GPC5: variants seen among roughly 807,000 people sequenced by gnomAD.
The protein encoded by GPC5 is glypican 5.
In GPC5, 47 loss-of-function variants were observed where a neutral mutation model predicts 53.9. That is an observed-to-expected ratio of 0.87 (90% CI 0.69 to 1.11). The LOEUF (loss-of-function observed/expected upper bound fraction) is 1.11, where lower values mean the gene tolerates loss of function less well. Ranked by LOEUF, GPC5 falls within the 50% of genes most tolerant of loss-of-function variation. The pLI is 0.00. For synonymous variants in GPC5, 286 were observed against 263.3 expected (o/e 1.09, Z -0.84); for missense variants, 748 against 713.1 (o/e 1.05, Z -0.56).
chr13:92,840,086 T>TATATATATATATATATATATAC (rs1878378378), intron 7 of GPC5, among the ~76,000 whole-genome samples: 2 of 34,840 alleles, frequency 5.7e-5, no homozygotes, highest in African/African-American at 2.6e-4. Flanking sequence ...TACATATATA[T>TATATATATATATATATATATAC]ATATATATAT....
chr13:92,520,521 A>T (rs1207212881), intron 7 of GPC5, among the ~76,000 whole-genome samples: 1 of 152,146 alleles, frequency 6.6e-6, no homozygotes, highest in Non-Finnish European at 1.5e-5. Context: ...AGAACCAAAG[A>T]TTAAAAACCA....
intron 7 of GPC5, among the ~76,000 whole-genome samples, chr13:92,427,261 G>T (rs1181232446): frequency 1.3e-5 from 2 of 150,272 alleles, no homozygotes; most frequent in African/African-American, 4.9e-5. Context: ...GTTTTATGCT[G>T]TTTTTAAAAC....
intron 6 of GPC5, among the ~76,000 whole-genome samples, chr13:92,117,108 G>A (rs1003184047): frequency 6.6e-6 from 1 of 152,030 alleles, no homozygotes; most frequent in Admixed American, 6.6e-5. Flanking sequence ...TAATCCTAAG[G>A]TCACAAACTT....
chr13:92,630,823 T>C (rs191081652), intron 7 of GPC5, among the ~76,000 whole-genome samples: 8 of 152,292 alleles, frequency 5.3e-5, no homozygotes, highest in Non-Finnish European at 2.9e-5. Flanking sequence ...TGTCAGTCCT[T>C]ATATACTTAT....
At chr13:91,481,806 T>G (rs1883312299) in intron 2 of GPC5, among the ~76,000 whole-genome samples, 1 of 152,208 alleles carries the variant, frequency 6.6e-6, no homozygotes, top group Non-Finnish European at 1.5e-5. Flanking sequence ...AGATGATACC[T>G]GTGGAAGGAT....
At chr13:92,860,073 T>C (rs1343111080) in intron 7 of GPC5, among the ~76,000 whole-genome samples, 1 of 152,126 alleles carries the variant, frequency 6.6e-6, no homozygotes, top group African/African-American at 2.4e-5. Flanking sequence ...TCAAAATAAA[T>C]TATACTATTT....
intron 7 of GPC5, among the ~76,000 whole-genome samples, chr13:92,852,064 G>A (rs577864584): frequency 6.6e-6 from 1 of 152,196 alleles, no homozygotes; most frequent in African/African-American, 2.4e-5. Flanking sequence ...GTACCAACAG[G>A]AGGACAACAG....
At chr13:92,153,233 A>C (rs1321311311) in intron 7 of GPC5, among the ~76,000 whole-genome samples, 2 of 152,044 alleles carry the variant, frequency 1.3e-5, no homozygotes, top group Non-Finnish European at 2.9e-5. Flanking sequence ...CCTGGGTTCA[A>C]TTCTCATGCC....
chr13:92,190,728 C>T (rs1202563663), intron 7 of GPC5, among the ~76,000 whole-genome samples: 1 of 151,810 alleles, frequency 6.6e-6, no homozygotes. Context: ...AAAGTATAAT[C>T]GATAAGCTAA....
intron 1 of GPC5, among the ~76,000 whole-genome samples, chr13:91,414,771 G>A (rs138881484): frequency 2.6e-5 from 4 of 152,256 alleles, no homozygotes; most frequent in African/African-American, 9.6e-5. Context: ...TACTCTCTTG[G>A]TCATGAGTTT....
At chr13:92,111,705 A>G (rs1231492419) in intron 6 of GPC5, among the ~76,000 whole-genome samples, 1 of 152,196 alleles carries the variant, frequency 6.6e-6, no homozygotes, top group African/African-American at 2.4e-5. Flanking sequence ...TTCCAAAAAA[A>G]AGGTGATAAC....
chr13:91,567,386 A>G (rs562142671), intron 2 of GPC5, among the ~76,000 whole-genome samples: 3 of 152,242 alleles, frequency 2.0e-5, no homozygotes, highest in Admixed American at 6.5e-5. Context: ...CATGTTGCTA[A>G]TTGAAAATGG....
At chr13:92,190,688 T>C (rs1416107338) in intron 7 of GPC5, among the ~76,000 whole-genome samples, 1 of 151,984 alleles carries the variant, frequency 6.6e-6, no homozygotes, top group African/African-American at 2.4e-5. Flanking sequence ...GCAAACTCTA[T>C]GAAAACCATT....
At chr13:92,802,478 G>C (rs1436812952) in intron 7 of GPC5, among the ~76,000 whole-genome samples, 1 of 151,648 alleles carries the variant, frequency 6.6e-6, no homozygotes, top group African/African-American at 2.4e-5. Context: ...TGATCATGCT[G>C]CTATAAAGAC....
At chr13:92,704,187 T>A (rs1489565855) in intron 7 of GPC5, among the ~76,000 whole-genome samples, 1 of 152,084 alleles carries the variant, frequency 6.6e-6, no homozygotes, top group Non-Finnish European at 1.5e-5. Flanking sequence ...TTCCAATTTG[T>A]AAAATCTTTC....
At position 92,350,751 on chromosome 13, in the gene GPC5, G is replaced by A. The variant is rs113837496; in HGVS notation, c.1561+205762G>A. 8.4e-3 allele frequency among the ~76,000 whole-genome samples: 1,282 copies of A among 152,194 alleles called. 18 individuals are homozygous for A. The highest frequency in any genetic ancestry group is 0.029 in the African/African-American group (1,200 of 41,524). ...AATTAGCTTAATTTTATTACACGTT[G>A]TATATATAAATCATCACATGACTTT... On this transcript the variant is annotated intron_variant, in intron 7 of 7. Transcript: ENST00000377067.
At chr13:92,433,728 G>T (rs1172211193) in intron 7 of GPC5, among the ~76,000 whole-genome samples, 4 of 152,138 alleles carry the variant, frequency 2.6e-5, no homozygotes, top group East Asian at 1.9e-4. Context: ...AGGTGAGTAG[G>T]TTATATTAAA....
intron 7 of GPC5, among the ~76,000 whole-genome samples, chr13:92,344,037 T>C (rs998961777): frequency 4.0e-5 from 6 of 151,848 alleles, no homozygotes; most frequent in African/African-American, 7.3e-5. Flanking sequence ...ACCTCAACAT[T>C]TGGGGAGTGG....
chr13:92,069,182 G>A (rs2041190412), intron 6 of GPC5, among the ~76,000 whole-genome samples: 1 of 151,934 alleles, frequency 6.6e-6, no homozygotes, highest in Non-Finnish European at 1.5e-5. Context: ...TAAATATGAG[G>A]TTTATTTATT....
Sources: allele counts gnomAD v4.1 joint callset (sites outside exome capture counted in the v4.1 genomes callset), GRCh38; gene constraint gnomAD v4.1.1; transcripts MANE v1.5; gene names NCBI Gene and HGNC (gene_info 2026-07-23, HGNC 2026-07-21).